Variants in GRID2 observed in about 807,000 individuals in gnomAD.
The protein encoded by GRID2 is glutamate receptor ionotropic, delta-2.
GRID2 carries 33 observed loss-of-function variants against 114.8 expected under a neutral mutation model. The ratio of observed to expected loss-of-function variants is 0.29; its 90% CI spans 0.22 to 0.38. The LOEUF (loss-of-function observed/expected upper bound fraction) is 0.38, where lower values mean the gene tolerates loss of function less well. Ranked by LOEUF, GRID2 falls within the 10% of genes least tolerant of loss-of-function variation. The probability of loss-of-function intolerance (pLI) is 1.00; values close to 1 mark genes in which losing one functional copy is unlikely to be tolerated. For missense variants in GRID2, 1,184 were observed against 1,257.7 expected (o/e 0.94, Z 0.89); for synonymous variants, 505 against 449.9 (o/e 1.12, Z -1.55).
intron 13 of GRID2, among the ~76,000 whole-genome samples, chr4:93,524,827 A>ATATATATATATATATATATGTATGTATG: frequency 8.9e-6 from 1 of 112,574 alleles, no homozygotes; most frequent in East Asian, 2.4e-4. Flanking sequence ...ATGTATGTAT[A>ATATATATATATATATATATGTATGTATG]TATATATATA....
intron 2 of GRID2, among the ~76,000 whole-genome samples, chr4:92,977,926 G>T (rs1361141614): frequency 6.6e-6 from 1 of 152,172 alleles, no homozygotes; most frequent in Non-Finnish European, 1.5e-5. Context: ...AGTATGTGAA[G>T]ATGCTAGGTC....
intron 2 of GRID2, among the ~76,000 whole-genome samples, chr4:92,887,749 G>A (rs910391917): frequency 6.6e-6 from 1 of 152,090 alleles, no homozygotes; most frequent in African/African-American, 2.4e-5. Context: ...GAGAATATTG[G>A]CAAAATATGT....
intron 11 of GRID2, among the ~76,000 whole-genome samples, chr4:93,487,713 T>C (rs1042076306): frequency 2.0e-5 from 3 of 151,966 alleles, no homozygotes; most frequent in Non-Finnish European, 4.4e-5. Flanking sequence ...GGGAAAACCA[T>C]TTCCAAATAT....
chr4:93,056,407 G>A (rs546052747), intron 2 of GRID2, among the ~76,000 whole-genome samples: 11 of 151,882 alleles, frequency 7.2e-5, no homozygotes, highest in South Asian at 2.1e-4. Context: ...CAGCCACTGC[G>A]TGATTGAAGT....
intron 2 of GRID2, among the ~76,000 whole-genome samples, chr4:93,042,029 A>G (rs1373212743): frequency 6.6e-6 from 1 of 151,846 alleles, no homozygotes; most frequent in Non-Finnish European, 1.5e-5. Context: ...CAGCCTCCTG[A>G]GTAGCTGGGA....
At chr4:92,932,612 C>T (rs186911633) in intron 2 of GRID2, among the ~76,000 whole-genome samples, 1 of 151,320 alleles carries the variant, frequency 6.6e-6, no homozygotes, top group Admixed American at 6.6e-5. Flanking sequence ...TTACACAAAA[C>T]TATTCATATA....
intron 2 of GRID2, among the ~76,000 whole-genome samples, chr4:92,696,769 TG>T (rs1230730126): frequency 3.3e-5 from 5 of 152,108 alleles, no homozygotes; most frequent in Non-Finnish European, 5.9e-5. Context: ...AGTTTAGACC[TG>T]TAATTGAAAG....
intron 2 of GRID2, among the ~76,000 whole-genome samples, chr4:92,812,611 A>C (rs1331643541): frequency 6.6e-6 from 1 of 152,128 alleles, no homozygotes; most frequent in South Asian, 2.1e-4. Context: ...AAGCAACTTT[A>C]TATGGTGATT....
At chr4:93,501,749 A>T (rs1159117648) in intron 12 of GRID2, among the ~76,000 whole-genome samples, 2 of 152,080 alleles carry the variant, frequency 1.3e-5, no homozygotes, top group African/African-American at 4.8e-5. Flanking sequence ...GTTTACACTG[A>T]GCTCACCAGG....
intron 2 of GRID2, among the ~76,000 whole-genome samples, chr4:92,865,265 C>G (rs17326345): frequency 0.3 from 45,981 of 152,000 alleles, 7,536 homozygotes; most frequent in Admixed American, 0.47. Flanking sequence ...TTGAAAGAAA[C>G]CCTGTTATAA....
chr4:93,215,539 C>T (rs890912498), intron 5 of GRID2, among the ~76,000 whole-genome samples: 21 of 151,838 alleles, frequency 1.4e-4, no homozygotes, highest in South Asian at 2.1e-4. Context: ...AGGAAAAAGA[C>T]GGCATTTTAA....
intron 1 of GRID2, among the ~76,000 whole-genome samples, chr4:92,458,391 G>C (rs1721320525): frequency 6.6e-6 from 1 of 152,110 alleles, no homozygotes; most frequent in Non-Finnish European, 1.5e-5. Flanking sequence ...TCATCCTCAG[G>C]AACCTTATCT....
At chr4:93,634,237 G>C (rs1362918469) in intron 14 of GRID2, among the ~76,000 whole-genome samples, 1 of 152,020 alleles carries the variant, frequency 6.6e-6, no homozygotes, top group Non-Finnish European at 1.5e-5. Flanking sequence ...CTTGAGCAGG[G>C]AGAATTCAAA....
At chr4:92,492,264 C>T (rs964012116) in intron 1 of GRID2, among the ~76,000 whole-genome samples, 2 of 152,140 alleles carry the variant, frequency 1.3e-5, no homozygotes, top group African/African-American at 4.8e-5. Context: ...CAATTCTCTT[C>T]CTTCACTATT....
At chr4:93,459,149 C>G (rs1027923268) in intron 11 of GRID2, among the ~76,000 whole-genome samples, 2 of 130,542 alleles carry the variant, frequency 1.5e-5, no homozygotes, top group African/African-American at 5.9e-5. Context: ...CATTGCACTC[C>G]AGCCGGGATG....
At chr4:92,811,501 A>G (rs553302741) in intron 2 of GRID2, among the ~76,000 whole-genome samples, 1 of 152,220 alleles carries the variant, frequency 6.6e-6, no homozygotes, top group Admixed American at 6.6e-5. Flanking sequence ...ATAAACTGAA[A>G]TGTATATCAA....
intron 8 of GRID2, among the ~76,000 whole-genome samples, chr4:93,368,560 T>G (rs762534746): frequency 5.9e-5 from 9 of 152,074 alleles, no homozygotes; most frequent in Non-Finnish European, 1.2e-4. Flanking sequence ...CACTCCCACC[T>G]CTCCCCACAA....
intron 4 of GRID2, among the ~76,000 whole-genome samples, chr4:93,158,147 A>C (rs1326590573): frequency 1.3e-5 from 2 of 151,792 alleles, no homozygotes; most frequent in Non-Finnish European, 2.9e-5. Context: ...CATTTGTGAG[A>C]TATGTCATTT....
chr4:93,381,075 C>T (rs1763808952), intron 8 of GRID2, among the ~76,000 whole-genome samples: 2 of 151,992 alleles, frequency 1.3e-5, no homozygotes, highest in Non-Finnish European at 2.9e-5. Flanking sequence ...TGGTAAAATA[C>T]ACATATAAAA....
Sources: allele counts gnomAD v4.1 joint callset (sites outside exome capture counted in the v4.1 genomes callset), GRCh38; gene constraint gnomAD v4.1.1; transcripts MANE v1.5; gene names NCBI Gene and HGNC (gene_info 2026-07-23, HGNC 2026-07-21).